The following ENDOU variants were observed in gnomAD, a reference collection of about 807,000 sequenced individuals.
The protein encoded by ENDOU is uridylate-specific endoribonuclease.
In ENDOU, 49 loss-of-function variants were observed where a neutral mutation model predicts 54.2. The ratio of observed to expected loss-of-function variants is 0.90; its 90% CI spans 0.72 to 1.15. The LOEUF is 1.15. Among genes scored for constraint, ENDOU ranks in the 50% most tolerant of loss-of-function variants. ENDOU has a pLI of 0.00. For synonymous variants in ENDOU, 172 were observed against 190.5 expected, an observed-to-expected ratio of 0.90 and a Z score of 0.80; for missense variants, 458 against 511.4, an observed-to-expected ratio of 0.90 and a Z score of 1.01.
chr12:47,724,762 G>A (rs758490373), intron 1 of ENDOU, among the ~76,000 whole-genome samples: 1 of 152,070 alleles, frequency 6.6e-6, no homozygotes, highest in Non-Finnish European at 1.5e-5. Context: ...CATAACTGTG[G>A]GCCAGGTCCC....
intron 6 of ENDOU, among the ~76,000 whole-genome samples, chr12:47,715,530 C>A (rs183236036): frequency 1.3e-5 from 2 of 152,200 alleles, no homozygotes; most frequent in African/African-American, 2.4e-5. Context: ...ACTCTTGTGT[C>A]GCTGTCACTT....
At chr12:47,716,181 C>T in intron 6 of ENDOU, 119 bp downstream of exon 6, 1 of 973,584 alleles carries the variant, frequency 1.0e-6, no homozygotes, top group Non-Finnish European at 1.6e-6. Flanking sequence ...CAGATGTACA[C>T]TGACCTCCAC....
chr12:47,713,289 T>G lies in ENDOU; in HGVS notation c.851A>C (p.Glu284Ala), dbSNP rs779090376. ...GNEEGDSSGF[E>A]HVFSGEVKKG... is the part of the protein sequence containing the mutation. The stretch of plus-strand genomic sequence containing the variant: ...AGTGCTCCCACCTGAGAAGACATGT[T>G]CAAAGCCACTCGAGTCCCCCTCTTC... Residue 284 changes from glutamate to alanine, a missense_variant, in exon 7 of 10, where the codon GAA becomes GCA. Glu to Ala is a moderately radical substitution (Grantham distance 107). Transcript: ENST00000422538. 9.3e-6 allele frequency: 15 copies of G among 1,610,876 alleles called. No individual in the cohort carries two copies. Among genetic ancestry groups the G allele is most frequent in the Non-Finnish European group, 1.3e-5 (15 of 1,177,190 alleles).
intron 1 of ENDOU, among the ~76,000 whole-genome samples, chr12:47,723,094 T>G (rs1940484295): frequency 6.6e-6 from 1 of 152,164 alleles, no homozygotes; most frequent in African/African-American, 2.4e-5. Context: ...AGAATTCACT[T>G]CATTCCAGCA....
rs546409433 is a variant in ENDOU at position 47,711,723 on chromosome 12, T to C, written c.1025A>G (p.Tyr342Cys). The change falls in exon 9 of 10, where the codon TAT becomes TGT. Residue 342 changes from tyrosine (Y) to cysteine (C), a missense_variant. Transcript: ENST00000422538. ...GATGAAAGCAGAGCCCACTTCCTTA[T>C]AGTAGCCGTCCCAGTTGAACTGCAT... ...LAMQFNWDGY[Y>C]KEVGSAFIGS... The C allele has an allele frequency of 2.9e-4, 464 of 1,614,152 alleles. 7 individuals are homozygous for C. In the South Asian group the frequency reaches 4.2e-3, roughly 15 times the overall value.
At position 47,711,730 on chromosome 12, in the gene ENDOU, C is replaced by T. The variant is rs754728916; in HGVS notation, c.1018G>A (p.Gly340Ser). 1.1e-5 allele frequency: 18 copies of T among 1,614,228 alleles called. No homozygotes were observed. Among genetic ancestry groups the T allele is most frequent in the East Asian group, 2.2e-5 (1 of 44,882 alleles). Residue 340 changes from glycine (G) to serine (S), a missense_variant, in exon 9 of 10, where the codon GGC becomes AGC. Gly to Ser is a moderately conservative substitution (Grantham distance 56). Coordinates refer to ENST00000422538, the MANE Select transcript of ENDOU (RefSeq NM_001172439.2). ...DVLAMQFNWD[G>S]YYKEVGSAFI... ...GCAGAGCCCACTTCCTTATAGTAGC[C>T]GTCCCAGTTGAACTGCATTGCCAGC...
chr12:47,711,517 T>G (rs1242434959), intron 9 of ENDOU, 116 bp downstream of exon 9: 2 of 1,248,382 alleles, frequency 1.6e-6, no homozygotes, highest in Non-Finnish European at 2.2e-6. Context: ...AAAGCACAGA[T>G]TTGTCCAAGC....
intron 2 of ENDOU, chr12:47,720,468 C>A: frequency 3.5e-6 from 1 of 283,908 alleles, no homozygotes; most frequent in Non-Finnish European, 6.5e-6. Context: ...ATCATTTTAC[C>A]CTTTTTTAGA....
At chr12:47,720,898 A>T (rs1304549446) in intron 1 of ENDOU, 23 bp from the exon 2 acceptor site, 1 of 1,535,688 alleles carries the variant, frequency 6.5e-7, no homozygotes, top group Admixed American at 2.0e-5. Context: ...AAGGTCACCA[A>T]CTCAGCTCTA....
At chr12:47,721,347 A>C (rs1390341320) in intron 1 of ENDOU, among the ~76,000 whole-genome samples, 1 of 151,990 alleles carries the variant, frequency 6.6e-6, no homozygotes, top group Non-Finnish European at 1.5e-5. Context: ...CCAACCTTGT[A>C]ACACTTTAAG....
At chr12:47,716,182 T>C in intron 6 of ENDOU, 118 bp downstream of exon 6, 2 of 976,286 alleles carry the variant, frequency 2.0e-6, no homozygotes, top group Admixed American at 1.8e-5. Context: ...AGATGTACAC[T>C]GACCTCCACA....
In ENDOU at chr12:47,709,922, CT is replaced by C. The variant is rs1387494872; in HGVS notation, c.*879del. 6.6e-6 allele frequency: 1 copy of C among 152,070 alleles called. No homozygotes were observed. Among genetic ancestry groups the C allele is most frequent in the Admixed American group, 6.6e-5 (1 of 15,262 alleles). 9.4% of individuals were successfully genotyped at this position (152,070 alleles called of 1,614,324 possible). On this transcript the variant is annotated 3_prime_UTR_variant, in exon 10 of 10. Transcript: ENST00000422538. ...TTCAAATTATGGCTGCTGGATAAGG[CT>C]TAAAATAATTATGTTAATGACACCA...
chr12:47,712,723 C>G (rs1592501284), intron 7 of ENDOU, 101 bp from the exon 8 acceptor site: 4 of 832,052 alleles, frequency 4.8e-6, no homozygotes, highest in South Asian at 4.8e-5. Flanking sequence ...CTTCTCCAGT[C>G]TCTGACTTCT....
chr12:47,724,550 C>T (rs190219781), intron 1 of ENDOU, among the ~76,000 whole-genome samples: 37 of 152,288 alleles, frequency 2.4e-4, no homozygotes, highest in African/African-American at 8.4e-4. Context: ...CACAGTCCTA[C>T]ACAGGAGCAA....
chr12:47,713,214 C>T (rs1239002255), intron 7 of ENDOU, 61 bp downstream of exon 7: 1 of 1,224,844 alleles, frequency 8.2e-7, no homozygotes, highest in East Asian at 2.3e-5. Context: ...TGCCCTGCTC[C>T]TGAGCAAAGC....
chr12:47,719,939 G>C (rs1940378972), intron 2 of ENDOU: 1 of 152,202 alleles, frequency 6.6e-6, no homozygotes, highest in South Asian at 2.1e-4. Context: ...CTGATGAGAA[G>C]GATACAGACT....
intron 1 of ENDOU, among the ~76,000 whole-genome samples, chr12:47,721,736 CAA>C (rs1245384047): frequency 6.6e-6 from 1 of 152,162 alleles, no homozygotes; most frequent in African/African-American, 2.4e-5. Flanking sequence ...GGACATAAGA[CAA>C]GACATTTTGA....
chr12:47,710,721 C>T lies in ENDOU; in HGVS notation c.*81G>A, dbSNP rs773049668. The T allele has an allele frequency of 1.0e-6, 1 of 961,318 alleles. No individual in the cohort carries two copies. The highest frequency in any genetic ancestry group is 1.7e-6 in the Non-Finnish European group (1 of 588,506). 59.5% of individuals were successfully genotyped at this position (961,318 alleles called of 1,614,324 possible). A position where few individuals can be genotyped will look rare whatever the true frequency, so the allele number is the denominator to read the frequency against. ...AGATTTGGTGATCCCTTCCAGTCCT[C>T]TCCCTCTTCTCTCTAGTCCAGAGAA... On this transcript the variant is annotated 3_prime_UTR_variant, in exon 10 of 10. Coordinates refer to ENST00000422538, the MANE Select transcript of ENDOU (RefSeq NM_001172439.2).
intron 7 of ENDOU, among the ~76,000 whole-genome samples, chr12:47,712,977 T>C (rs1158461752): frequency 6.6e-6 from 1 of 152,126 alleles, no homozygotes; most frequent in Non-Finnish European, 1.5e-5. Flanking sequence ...AGCAAAGGAC[T>C]GTTCAGAGGT....
Sources: allele counts gnomAD v4.1 joint callset (sites outside exome capture counted in the v4.1 genomes callset), GRCh38; gene constraint gnomAD v4.1.1; transcripts MANE v1.5; gene names NCBI Gene and HGNC (gene_info 2026-07-23, HGNC 2026-07-21).